The following NAALADL2 variants were observed in gnomAD, a reference collection of about 807,000 sequenced individuals.
NAALADL2 encodes N-acetylated alpha-linked acidic dipeptidase like 2, also known as inactive N-acetylated-alpha-linked acidic dipeptidase-like protein 2.
Under a neutral mutation model 87.2 loss-of-function variants are expected in NAALADL2, and 76 were observed. The ratio of observed to expected loss-of-function variants is 0.87; its 90% CI spans 0.72 to 1.05. The LOEUF (loss-of-function observed/expected upper bound fraction) is 1.05. NAALADL2 is among the 50% of genes least tolerant of loss of function. The pLI is 0.00. For synonymous variants in NAALADL2, 354 were observed against 331.0 expected (o/e 1.07, Z -0.75); for missense variants, 1,089 against 945.8 (o/e 1.15, Z -1.99).
Position 175,378,189 on chromosome 3 carries a change from A to G in NAALADL2, c.1090+53864A>G, listed in dbSNP as rs566458965. Among the ~76,000 whole-genome samples, 32 of 152,298 alleles carry G rather than the reference A, an allele frequency of 2.1e-4. No homozygotes were observed. The South Asian group carries it at 6.6e-3, about 32-fold the overall frequency. ...ACAGAGTTTGCTCTTGCCGACACCCAAAAGCACTCACCCTGGCTCCTGCAC... is the reference window on the plus strand; with the variant it reads ...ACAGAGTTTGCTCTTGCCGACACCCGAAAGCACTCACCCTGGCTCCTGCAC... On this transcript the variant is annotated intron_variant, in intron 5 of 13. Coordinates refer to ENST00000454872, the MANE Select transcript of NAALADL2 (RefSeq NM_207015.3).
At chr3:175,540,259 A>G (rs1309536847) in intron 9 of NAALADL2, among the ~76,000 whole-genome samples, 1 of 152,168 alleles carries the variant, frequency 6.6e-6, no homozygotes, top group Non-Finnish European at 1.5e-5. Context: ...AGGGAAGTGA[A>G]TTTTGAGCAG....
At chr3:174,726,104 A>G (rs1732158391) in intron 2 of NAALADL2, among the ~76,000 whole-genome samples, 1 of 152,068 alleles carries the variant, frequency 6.6e-6, no homozygotes, top group Non-Finnish European at 1.5e-5. Flanking sequence ...TGGTTTTCTA[A>G]TTGCTAAACC....
At chr3:175,543,147 C>T (rs1057277915) in intron 9 of NAALADL2, among the ~76,000 whole-genome samples, 8 of 152,090 alleles carry the variant, frequency 5.3e-5, no homozygotes, top group Admixed American at 3.3e-4. Context: ...ACCTAATACC[C>T]TGTTTTTTCC....
chr3:174,520,452 CAATG>C (rs1460412768), intron 1 of NAALADL2, among the ~76,000 whole-genome samples: 1 of 152,072 alleles, frequency 6.6e-6, no homozygotes, highest in Non-Finnish European at 1.5e-5. Flanking sequence ...GAAAAATAAA[CAATG>C]AAGAAAAGAC....
chr3:175,724,353 AGT>A (rs2150043396), intron 11 of NAALADL2, among the ~76,000 whole-genome samples: 2 of 152,278 alleles, frequency 1.3e-5, no homozygotes, highest in African/African-American at 4.8e-5. Flanking sequence ...AGAGCTTGAC[AGT>A]GTGCTCTGTT....
intron 1 of NAALADL2, among the ~76,000 whole-genome samples, chr3:174,485,258 T>C (rs1717780195): frequency 6.6e-6 from 1 of 151,956 alleles, no homozygotes; most frequent in African/African-American, 2.4e-5. Context: ...TTAAAGTATA[T>C]GGGAGGATGT....
At chr3:174,983,539 C>T (rs1745415886) in intron 1 of NAALADL2, among the ~76,000 whole-genome samples, 1 of 152,074 alleles carries the variant, frequency 6.6e-6, no homozygotes, top group Non-Finnish European at 1.5e-5. Flanking sequence ...GATCAAGGAG[C>T]CAGCTGATTA....
At chr3:175,080,941 T>A (rs1479434838) in intron 1 of NAALADL2, 2 of 152,194 alleles carry the variant, frequency 1.3e-5, no homozygotes, top group Non-Finnish European at 2.9e-5. Context: ...TAGTGTTGAA[T>A]CATTCAGGAC....
chr3:175,598,231 C>A (rs907285225), intron 10 of NAALADL2, among the ~76,000 whole-genome samples: 13 of 151,866 alleles, frequency 8.6e-5, no homozygotes, highest in African/African-American at 2.2e-4. Context: ...AGGCGGAACA[C>A]CTAGATAGGA....
At chr3:174,860,471 AT>A (rs1451097412) in intron 1 of NAALADL2, among the ~76,000 whole-genome samples, 2 of 152,102 alleles carry the variant, frequency 1.3e-5, no homozygotes, top group Non-Finnish European at 2.9e-5. Context: ...CATAATGAGA[AT>A]CATTTATTTC....
At chr3:174,804,078 A>G (rs1451317217) in intron 3 of NAALADL2, among the ~76,000 whole-genome samples, 2 of 152,088 alleles carry the variant, frequency 1.3e-5, no homozygotes, top group African/African-American at 4.8e-5. Flanking sequence ...CATTTTCACA[A>G]TATTGATTCT....
At chr3:175,257,890 A>T (rs1419516574) in intron 4 of NAALADL2, among the ~76,000 whole-genome samples, 1 of 152,186 alleles carries the variant, frequency 6.6e-6, no homozygotes, top group Non-Finnish European at 1.5e-5. Context: ...CCTTTAAAAA[A>T]TGTATTATAT....
At chr3:175,568,042 T>G (rs910638433) in intron 9 of NAALADL2, among the ~76,000 whole-genome samples, 1 of 152,026 alleles carries the variant, frequency 6.6e-6, no homozygotes, top group African/African-American at 2.4e-5. Context: ...TATGATAAGA[T>G]GAAATCTGGT....
At chr3:174,872,132 AT>A (rs1727903091) in intron 1 of NAALADL2, among the ~76,000 whole-genome samples, 1 of 152,176 alleles carries the variant, frequency 6.6e-6, no homozygotes, top group African/African-American at 2.4e-5. Context: ...AAGTAGTAAT[AT>A]GGGTGAAAAC....
At position 175,741,132 on chromosome 3, in the gene NAALADL2, A is replaced by G. The variant is rs115912183; in HGVS notation, c.1990+3733A>G. ...CATAGTCCATTCAGGCAGTTAAAAC[A>G]AAATACCATAGACTGGATGGCTTAT... is the stretch of plus-strand genomic sequence containing the variant. On this transcript the variant is annotated intron_variant, in intron 12 of 13. Transcript: ENST00000454872. 4.1e-3 allele frequency among the ~76,000 whole-genome samples: 626 copies of G among 152,318 alleles called. 8 individuals are homozygous for G. The highest frequency in any genetic ancestry group is 0.014 in the African/African-American group (584 of 41,580).
intron 3 of NAALADL2, among the ~76,000 whole-genome samples, chr3:175,243,093 A>ACG (rs1560218653): frequency 6.6e-6 from 1 of 150,634 alleles, no homozygotes; most frequent in Admixed American, 6.6e-5. Context: ...ACACACACAC[A>ACG]CGCACACACA....
At chr3:175,736,808 A>T (rs974306917) in intron 11 of NAALADL2, among the ~76,000 whole-genome samples, 3 of 152,250 alleles carry the variant, frequency 2.0e-5, no homozygotes, top group Non-Finnish European at 4.4e-5. Flanking sequence ...ATAAATCACA[A>T]GACAAGTTAA....
chr3:175,295,828 A>G (rs1248705994), intron 4 of NAALADL2, among the ~76,000 whole-genome samples: 2 of 152,078 alleles, frequency 1.3e-5, no homozygotes, highest in African/African-American at 4.8e-5. Flanking sequence ...AATGACTTTT[A>G]TAATCTGACT....
At chr3:175,203,428 G>A (rs80248757) in intron 2 of NAALADL2, among the ~76,000 whole-genome samples, 14,415 of 152,198 alleles carry the variant, frequency 0.095, 745 homozygotes, top group East Asian at 0.15. Context: ...GTGGGGGGAT[G>A]TGTATTTGGA....
Sources: gnomAD v4.1 joint callset for allele counts (sites outside exome capture counted in the v4.1 genomes callset) on GRCh38, gnomAD v4.1.1 for gene constraint, MANE v1.5 for transcripts, NCBI Gene and HGNC (gene_info 2026-07-23, HGNC 2026-07-21) for gene names.